Variants in PTK2 observed in about 807,000 individuals in gnomAD.
The protein encoded by PTK2 is protein tyrosine kinase 2, also known as focal adhesion kinase 1.
Under a neutral mutation model 150.1 loss-of-function variants are expected in PTK2, and 45 were observed. The ratio of observed to expected loss-of-function variants is 0.30; its 90% CI spans 0.24 to 0.38. The LOEUF (loss-of-function observed/expected upper bound fraction) is 0.38, where lower values mean the gene tolerates loss of function less well. Ranked by LOEUF, PTK2 falls within the 10% of genes least tolerant of loss-of-function variation. The pLI is 1.00. For missense variants in PTK2, 919 were observed against 1,307.3 expected (o/e 0.70, Z 4.58); for synonymous variants, 432 against 449.2 (o/e 0.96, Z 0.48).
At chr8:140,942,439 A>G (rs2100176149) in intron 1 of PTK2, among the ~76,000 whole-genome samples, 1 of 150,934 alleles carries the variant, frequency 6.6e-6, no homozygotes, top group Non-Finnish European at 1.5e-5. Flanking sequence ...CTCATTATAC[A>G]AAGACAAATA....
Position 140,665,013 on chromosome 8 carries a change from C to T in PTK2, c.2866-16G>A, listed in dbSNP as rs1206947749. On this transcript the variant is annotated splice_polypyrimidine_tract_variant and intron_variant, in intron 30 of 31. Transcript: ENST00000522684. ...AGCCGACTTCCTAACAGACAAGAAT[C>T]ACAACCAATATTAGAACACACACAA... The T allele has an allele frequency of 6.2e-7, 1 of 1,607,594 alleles. No homozygotes were observed. The highest frequency in any genetic ancestry group is 2.2e-5 in the East Asian group (1 of 44,860).
chr8:140,920,963 G>T, intron 2 of PTK2: 2 of 1,396,986 alleles, frequency 1.4e-6, no homozygotes, highest in Non-Finnish European at 1.8e-6. Context: ...CAAAGTCCCA[G>T]TTCCTCGCTG....
chr8:140,808,489 A>G (rs559825529), intron 10 of PTK2, among the ~76,000 whole-genome samples: 29 of 152,330 alleles, frequency 1.9e-4, no homozygotes, highest in African/African-American at 3.1e-4. Flanking sequence ...AGGAAAACAT[A>G]TATTTTCAAG....
intron 16 of PTK2, among the ~76,000 whole-genome samples, chr8:140,759,294 T>C (rs971081099): frequency 1.3e-5 from 2 of 152,052 alleles, no homozygotes; most frequent in Admixed American, 1.3e-4. Flanking sequence ...GGTACAGCTG[T>C]GTTGGAAATC....
At chr8:140,854,709 G>T (rs970620143) in intron 5 of PTK2, among the ~76,000 whole-genome samples, 2 of 152,120 alleles carry the variant, frequency 1.3e-5, no homozygotes, top group African/African-American at 4.8e-5. Context: ...CACATTGGTA[G>T]TTACATTTAG....
At position 140,889,436 on chromosome 8, in the gene PTK2, C is replaced by T. The variant is rs542232684; in HGVS notation, c.195+1107G>A. Among the ~76,000 whole-genome samples, 140 of 152,070 alleles carry T rather than the reference C, an allele frequency of 9.2e-4. 1 individual carries two copies. Among genetic ancestry groups the T allele is most frequent in the Non-Finnish European group, 1.5e-3 (102 of 67,992 alleles). On this transcript the variant is annotated intron_variant, in intron 3 of 31. Coordinates refer to ENST00000522684, the Ensembl canonical transcript of PTK2. ...TAGAGATGGGGTTTCGCCATGTTGG[C>T]CAGGCTGCTCTCAAACTCCTGACCT...
At chr8:140,920,852 T>G (rs768317742) in intron 2 of PTK2, 7 of 1,528,534 alleles carry the variant, frequency 4.6e-6, no homozygotes, top group Non-Finnish European at 5.2e-6. Context: ...ACATCCGCTT[T>G]TCTCCATATA....
intron 11 of PTK2, 47 bp from the exon 12 acceptor site, chr8:140,800,623 T>A (rs1282507133): frequency 1.4e-6 from 2 of 1,448,898 alleles, no homozygotes; most frequent in African/African-American, 2.8e-5. Context: ...TTCTTCCCAG[T>A]AAGCAAAGGA....
At chr8:140,865,528 A>C (rs1369227637) in intron 4 of PTK2, among the ~76,000 whole-genome samples, 1 of 152,034 alleles carries the variant, frequency 6.6e-6, no homozygotes. Context: ...TTTTTTAACC[A>C]CTCAATAAAA....
At chr8:140,804,841 G>A (rs2100097382) in intron 10 of PTK2, among the ~76,000 whole-genome samples, 1 of 152,162 alleles carries the variant, frequency 6.6e-6, no homozygotes, top group South Asian at 2.1e-4. Context: ...GCCACAGGCA[G>A]CCCTCCATTC....
intron 13 of PTK2, among the ~76,000 whole-genome samples, chr8:140,791,795 C>T (rs971479306): frequency 6.6e-6 from 1 of 151,774 alleles, no homozygotes; most frequent in Non-Finnish European, 1.5e-5. Context: ...TTGGCAAAGG[C>T]CTTCAGGCAA....
chr8:140,662,241 G>T (rs2081421798), intron 31 of PTK2, among the ~76,000 whole-genome samples: 1 of 151,810 alleles, frequency 6.6e-6, no homozygotes, highest in Admixed American at 6.6e-5. Context: ...AGGTTATAGT[G>T]AGCTGTGATG....
At chr8:140,811,682 G>T (rs1390378068) in intron 10 of PTK2, among the ~76,000 whole-genome samples, 2 of 152,130 alleles carry the variant, frequency 1.3e-5, no homozygotes, top group African/African-American at 4.8e-5. Flanking sequence ...AAACAATACA[G>T]GAGCTGAGAG....
intron 1 of PTK2, among the ~76,000 whole-genome samples, chr8:140,964,445 C>A (rs1211693954): frequency 1.3e-5 from 2 of 151,666 alleles, no homozygotes; most frequent in Non-Finnish European, 2.9e-5. Flanking sequence ...GCAATGCGAT[C>A]AAGCTCACTG....
intron 19 of PTK2, among the ~76,000 whole-genome samples, chr8:140,744,082 CTT>C (rs5895647): frequency 1.7e-3 from 253 of 144,868 alleles, no homozygotes; most frequent in Middle Eastern, 7.4e-3. Context: ...CGGCCTATTT[CTT>C]TTTTTTTTTT....
intron 20 of PTK2, among the ~76,000 whole-genome samples, chr8:140,739,672 T>G (rs1242455589): frequency 6.6e-6 from 1 of 152,102 alleles, no homozygotes; most frequent in African/African-American, 2.4e-5. Context: ...AAAAGGAGGC[T>G]CAGATGTGTT....
chr8:140,989,637 G>A (rs372557911), intron 1 of PTK2, among the ~76,000 whole-genome samples: 14 of 152,066 alleles, frequency 9.2e-5, no homozygotes, highest in African/African-American at 2.4e-4. Context: ...GGCTGGGCAC[G>A]GTGGCTCACA....
chr8:140,814,155 G>A (rs973823233), intron 10 of PTK2, among the ~76,000 whole-genome samples: 7 of 152,110 alleles, frequency 4.6e-5, no homozygotes, highest in Admixed American at 1.3e-4. Flanking sequence ...AATTGAATCC[G>A]TAATAAATAG....
At chr8:140,968,932 T>C (rs1183919639) in intron 1 of PTK2, among the ~76,000 whole-genome samples, 1 of 152,230 alleles carries the variant, frequency 6.6e-6, no homozygotes, top group Non-Finnish European at 1.5e-5. Context: ...CAAAATCATT[T>C]GAGCATCATG....
Sources: gnomAD v4.1 joint callset for allele counts (sites outside exome capture counted in the v4.1 genomes callset) on GRCh38, gnomAD v4.1.1 for gene constraint, MANE v1.5 for transcripts, NCBI Gene and HGNC (gene_info 2026-07-23, HGNC 2026-07-21) for gene names.